NRG2: variants seen among roughly 807,000 people sequenced by gnomAD.
NRG2 encodes pro-neuregulin-2, membrane-bound isoform.
A neutral mutation model predicts 73.9 loss-of-function variants in NRG2; 27 were observed. The ratio of observed to expected loss-of-function variants is 0.37; its 90% CI spans 0.27 to 0.50. The LOEUF is 0.50. Ranked by LOEUF, NRG2 falls within the 20% of genes least tolerant of loss-of-function variation. The probability of loss-of-function intolerance (pLI) is 0.96; values close to 1 mark genes in which losing one functional copy is unlikely to be tolerated. For synonymous variants in NRG2, 532 were observed against 541.0 expected (o/e 0.98, Z 0.23); for missense variants, 1,126 against 1,210.1 (o/e 0.93, Z 1.03).
At chr5:139,882,955 A>G (rs892298157) in intron 2 of NRG2, among the ~76,000 whole-genome samples, 5 of 152,042 alleles carry the variant, frequency 3.3e-5, no homozygotes, top group African/African-American at 1.2e-4. Flanking sequence ...CTTGCTGCAG[A>G]TGTCCTAGGT....
At chr5:140,026,864 G>A (rs1197091919) in intron 1 of NRG2, among the ~76,000 whole-genome samples, 1 of 152,172 alleles carries the variant, frequency 6.6e-6, no homozygotes, top group Non-Finnish European at 1.5e-5. Context: ...GGTATGGCAA[G>A]AAGATATTGA....
chr5:140,008,849 G>C lies in NRG2; in HGVS notation c.700+33521C>G, dbSNP rs1759130319. Among the ~76,000 whole-genome samples, 2 of 152,166 alleles carry C rather than the reference G, an allele frequency of 1.3e-5. No individual in the cohort carries two copies. The highest frequency in any genetic ancestry group is 4.1e-4 in the South Asian group (2 of 4,824). ...GACAGGCATGTCTCTGCTACTTACT[G>C]TGTGGTCTTGAGCAAGTTACTTAAC... On this transcript the variant is annotated intron_variant, in intron 1 of 9. Transcript: ENST00000361474. The surrounding 1 kb of genome is among the most constrained non-coding windows in gnomAD (Gnocchi z 4.2).
intron 1 of NRG2, among the ~76,000 whole-genome samples, chr5:140,001,501 A>G (rs1290229495): frequency 1.3e-5 from 2 of 152,196 alleles, no homozygotes; most frequent in Non-Finnish European, 2.9e-5. Context: ...CCAATTATAA[A>G]AGCAGATATA....
intron 1 of NRG2, among the ~76,000 whole-genome samples, chr5:140,036,552 G>A (rs751064093): frequency 7.9e-5 from 12 of 152,134 alleles, no homozygotes; most frequent in Non-Finnish European, 1.5e-4. Flanking sequence ...CACTTCTACC[G>A]ATTAATTCAT....
At chr5:139,990,156 G>T (rs1038198686) in intron 1 of NRG2, among the ~76,000 whole-genome samples, 5 of 151,976 alleles carry the variant, frequency 3.3e-5, no homozygotes, top group African/African-American at 7.3e-5. Flanking sequence ...TATTGTGTAT[G>T]TGCAAGAATT....
At chr5:139,929,719 C>G (rs575425860) in intron 1 of NRG2, among the ~76,000 whole-genome samples, 2 of 152,158 alleles carry the variant, frequency 1.3e-5, no homozygotes, top group African/African-American at 2.4e-5. Flanking sequence ...TTGCTTCCCC[C>G]CTTGGTCAAA....
chr5:139,949,487 T>C (rs1415289280), intron 1 of NRG2, among the ~76,000 whole-genome samples: 1 of 152,156 alleles, frequency 6.6e-6, no homozygotes, highest in East Asian at 1.9e-4. Context: ...TCTCAATAAG[T>C]ACAAGTAAGG....
intron 1 of NRG2, among the ~76,000 whole-genome samples, chr5:140,041,930 C>A (rs1054590071): frequency 6.6e-6 from 1 of 152,070 alleles, no homozygotes; most frequent in African/African-American, 2.4e-5. Context: ...GGGAGTCTGC[C>A]CAGCTGCTCC....
At chr5:139,909,291 T>C (rs567019578) in intron 1 of NRG2, among the ~76,000 whole-genome samples, 1 of 152,290 alleles carries the variant, frequency 6.6e-6, no homozygotes, top group African/African-American at 2.4e-5. Flanking sequence ...TGTGCAAAAA[T>C]GCCTTTCAGT....
chr5:140,025,539 T>C (rs897136230), intron 1 of NRG2, among the ~76,000 whole-genome samples: 1 of 152,194 alleles, frequency 6.6e-6, no homozygotes, highest in African/African-American at 2.4e-5. Flanking sequence ...TCTCCAATCT[T>C]GAATAATCTT....
chr5:139,864,384 T>G (rs1476599395), intron 5 of NRG2, among the ~76,000 whole-genome samples: 3 of 141,254 alleles, frequency 2.1e-5, no homozygotes, highest in Non-Finnish European at 4.5e-5. Flanking sequence ...TTCTTCTTCT[T>G]CTTTTTTTTT....
chr5:139,990,728 T>C (rs1341777213), intron 1 of NRG2, among the ~76,000 whole-genome samples: 1 of 152,244 alleles, frequency 6.6e-6, no homozygotes, highest in Non-Finnish European at 1.5e-5. Context: ...ATTCTTAATT[T>C]GCATCTCCCT....
intron 1 of NRG2, among the ~76,000 whole-genome samples, chr5:139,978,351 T>A (rs961195860): frequency 2.6e-5 from 4 of 152,170 alleles, no homozygotes; most frequent in Non-Finnish European, 4.4e-5. Context: ...AAAATGCTCA[T>A]AATCACTGGC....
chr5:139,925,618 A>C (rs1751992312), intron 1 of NRG2, among the ~76,000 whole-genome samples: 1 of 152,236 alleles, frequency 6.6e-6, no homozygotes, highest in African/African-American at 2.4e-5. Flanking sequence ...TCTGTAGATA[A>C]GCTAGCCCCC....
At chr5:140,003,574 G>A (rs1758663446) in intron 1 of NRG2, among the ~76,000 whole-genome samples, 1 of 152,168 alleles carries the variant, frequency 6.6e-6, no homozygotes, top group African/African-American at 2.4e-5. Context: ...GCCTCCAGAA[G>A]GAACACGGTC....
chr5:139,992,358 T>C (rs1236162404), intron 1 of NRG2, among the ~76,000 whole-genome samples: 2 of 152,246 alleles, frequency 1.3e-5, no homozygotes, highest in Admixed American at 6.5e-5. Flanking sequence ...TAAATTCTCC[T>C]ATTACTGCTA....
intron 3 of NRG2, 83 bp from the exon 4 acceptor site, chr5:139,871,924 A>C (rs1581823771): frequency 6.5e-7 from 1 of 1,543,014 alleles, no homozygotes; most frequent in Non-Finnish European, 8.8e-7. Flanking sequence ...GCCCCACGTC[A>C]AAACTGGAAG....
chr5:139,983,604 CCTTTGCTTATA>C (rs748376039), intron 1 of NRG2, among the ~76,000 whole-genome samples: 35 of 152,226 alleles, frequency 2.3e-4, no homozygotes, highest in Non-Finnish European at 3.8e-4. Context: ...GGCAAAAGAA[CCTTTGCTTATA>C]CTGTTATACT....
intron 1 of NRG2, among the ~76,000 whole-genome samples, chr5:139,965,976 T>C (rs1306605215): frequency 6.7e-6 from 1 of 149,218 alleles, no homozygotes; most frequent in South Asian, 2.1e-4. Context: ...CAATTTCTAA[T>C]TTTTTTTTTA....
Sources: allele counts gnomAD v4.1 joint callset (sites outside exome capture counted in the v4.1 genomes callset), GRCh38; gene constraint gnomAD v4.1.1; non-coding constraint Gnocchi (gnomAD v3.1); transcripts MANE v1.5; gene names NCBI Gene and HGNC (gene_info 2026-07-23, HGNC 2026-07-21).